The following GRIK1 variants were observed in gnomAD, a reference collection of about 807,000 sequenced individuals.
GRIK1 encodes glutamate receptor ionotropic, kainate 1.
In GRIK1, 69 loss-of-function variants were observed where a neutral mutation model predicts 105.7. That is an observed-to-expected ratio of 0.65 (90% CI 0.54 to 0.80). The LOEUF is 0.80. Among genes scored for constraint, GRIK1 ranks in the 30% least tolerant of loss-of-function variants. The pLI is 0.00. For synonymous variants in GRIK1, 438 were observed against 431.3 expected (o/e 1.02, Z -0.19); for missense variants, 1,109 against 1,167.3 (o/e 0.95, Z 0.73).
At chr21:29,560,295 CT>C (rs2090365717) in intron 15 of GRIK1, among the ~76,000 whole-genome samples, 1 of 90,450 alleles carries the variant, frequency 1.1e-5, no homozygotes, top group African/African-American at 5.1e-5. Flanking sequence ...TTCTTTCTTT[CT>C]TTCTTTCTTT....
intron 7 of GRIK1, among the ~76,000 whole-genome samples, chr21:29,620,810 T>TATATATCTATATATATATAG (rs2061979490): frequency 8.7e-6 from 1 of 114,972 alleles, no homozygotes; most frequent in African/African-American, 4.2e-5. Flanking sequence ...TATATAGATA[T>TATATATCTATATATATATAG]ATATATATAG....
At chr21:29,743,276 A>C (rs1310700647) in intron 1 of GRIK1, among the ~76,000 whole-genome samples, 1 of 152,234 alleles carries the variant, frequency 6.6e-6, no homozygotes, top group Non-Finnish European at 1.5e-5. Context: ...AAAAAATTTC[A>C]AAATAAAATG....
Position 29,838,238 on chromosome 21 carries a change from A to G in GRIK1, c.118+101145T>C, listed in dbSNP as rs73897863. Reference sequence around the variant, plus strand: ...AGAAGCCCATAGGAGGAGTGCTGGAAGTCAAAGTTCTAACCAACTGGGGGC... The same window carrying G: ...AGAAGCCCATAGGAGGAGTGCTGGAGGTCAAAGTTCTAACCAACTGGGGGC... On this transcript the variant is annotated intron_variant, in intron 1 of 17. Coordinates refer to ENST00000327783, the MANE Select transcript of GRIK1 (RefSeq NM_001330994.2). 6.8e-3 allele frequency among the ~76,000 whole-genome samples: 1,029 copies of G among 152,300 alleles called. 13 individuals are homozygous for G. Among genetic ancestry groups the G allele is most frequent in the African/African-American group, 0.023 (969 of 41,570 alleles).
chr21:29,628,036 A>G (rs2146464162), intron 7 of GRIK1, among the ~76,000 whole-genome samples: 1 of 152,344 alleles, frequency 6.6e-6, no homozygotes, highest in African/African-American at 2.4e-5. Flanking sequence ...CTATTGTATA[A>G]ACATAGCCCT....
intron 7 of GRIK1, among the ~76,000 whole-genome samples, chr21:29,603,442 G>C (rs1003630880): frequency 1.3e-5 from 2 of 151,954 alleles, no homozygotes; most frequent in Admixed American, 6.6e-5. Flanking sequence ...AAATTGAATG[G>C]CATATCTTTA....
chr21:29,741,386 G>A (rs184849710), intron 1 of GRIK1, among the ~76,000 whole-genome samples: 95 of 152,076 alleles, frequency 6.2e-4, no homozygotes, highest in Non-Finnish European at 1.8e-4. Context: ...AACAGCAATC[G>A]TCACATTTTA....
At chr21:29,711,289 C>A (rs1007885221) in intron 1 of GRIK1, among the ~76,000 whole-genome samples, 3 of 151,978 alleles carry the variant, frequency 2.0e-5, no homozygotes, top group African/African-American at 7.3e-5. Context: ...TATATAAATA[C>A]CATTGTGTTA....
chr21:29,623,704 T>C (rs996656946), intron 7 of GRIK1, among the ~76,000 whole-genome samples: 2 of 152,208 alleles, frequency 1.3e-5, no homozygotes, highest in African/African-American at 4.8e-5. Context: ...TAAGCTATAA[T>C]TAATTTCAAA....
intron 1 of GRIK1, among the ~76,000 whole-genome samples, chr21:29,904,253 C>A (rs941319869): frequency 2.7e-4 from 41 of 151,686 alleles, no homozygotes; most frequent in African/African-American, 9.0e-4. Context: ...CACATGTATC[C>A]CAGAACTTAA....
chr21:29,869,363 G>T (rs2068933078), intron 1 of GRIK1, among the ~76,000 whole-genome samples: 1 of 152,148 alleles, frequency 6.6e-6, no homozygotes, highest in Non-Finnish European at 1.5e-5. Flanking sequence ...CAATATTTCT[G>T]ATCTCATTTC....
intron 1 of GRIK1, among the ~76,000 whole-genome samples, chr21:29,776,252 C>A (rs1190089270): frequency 1.3e-5 from 2 of 152,188 alleles, no homozygotes; most frequent in African/African-American, 4.8e-5. Context: ...CACTGCCAAA[C>A]CATATCAATG....
intron 1 of GRIK1, among the ~76,000 whole-genome samples, chr21:29,893,781 A>G (rs978129945): frequency 6.6e-6 from 1 of 152,228 alleles, no homozygotes; most frequent in Non-Finnish European, 1.5e-5. Context: ...ACTACAATTC[A>G]GTGTGATAAG....
intron 7 of GRIK1, among the ~76,000 whole-genome samples, chr21:29,613,765 GACAA>G (rs2061780110): frequency 6.6e-6 from 1 of 152,154 alleles, no homozygotes; most frequent in Non-Finnish European, 1.5e-5. Flanking sequence ...AACAAGGTCT[GACAA>G]ACTGCATATT....
At chr21:29,836,603 A>G (rs1243736404) in intron 1 of GRIK1, among the ~76,000 whole-genome samples, 1 of 152,190 alleles carries the variant, frequency 6.6e-6, no homozygotes, top group African/African-American at 2.4e-5. Flanking sequence ...TATAAACATG[A>G]AAGTTGGATA....
chr21:29,859,083 A>G (rs1425224032), intron 1 of GRIK1, among the ~76,000 whole-genome samples: 1 of 151,746 alleles, frequency 6.6e-6, no homozygotes, highest in Non-Finnish European at 1.5e-5. Context: ...GAAGCTGGAA[A>G]CCATCATTCT....
chr21:29,601,204 G>C (rs748968770), intron 7 of GRIK1: 1 of 508,424 alleles, frequency 2.0e-6, no homozygotes, highest in Non-Finnish European at 4.0e-6. Context: ...GAGGAAGAGA[G>C]CATTTACTCT....
chr21:29,559,553 A>C (rs1424349834), intron 15 of GRIK1, among the ~76,000 whole-genome samples: 1 of 152,226 alleles, frequency 6.6e-6, no homozygotes, highest in Non-Finnish European at 1.5e-5. Flanking sequence ...ATCATTCTGC[A>C]GGAAAGTTAT....
intron 16 of GRIK1, among the ~76,000 whole-genome samples, chr21:29,539,232 T>G (rs2089931411): frequency 6.6e-6 from 1 of 152,154 alleles, no homozygotes; most frequent in Non-Finnish European, 1.5e-5. Flanking sequence ...TACTATGGGG[T>G]TGTGTCTCAA....
chr21:29,781,808 C>T (rs1428375635), intron 1 of GRIK1, among the ~76,000 whole-genome samples: 2 of 147,950 alleles, frequency 1.4e-5, no homozygotes, highest in Non-Finnish European at 3.0e-5. Flanking sequence ...GTAGCTGGGA[C>T]TACAGGCGCC....
Sources: gnomAD v4.1 joint callset for allele counts (sites outside exome capture counted in the v4.1 genomes callset) on GRCh38, gnomAD v4.1.1 for gene constraint, MANE v1.5 for transcripts, NCBI Gene and HGNC (gene_info 2026-07-23, HGNC 2026-07-21) for gene names.